The following BICD2 variants were observed in gnomAD, a reference collection of about 807,000 sequenced individuals.
BICD2 encodes the protein protein bicaudal D homolog 2.
A neutral mutation model predicts 72.9 loss-of-function variants in BICD2; 25 were observed. The ratio of observed to expected loss-of-function variants is 0.34; its 90% CI spans 0.25 to 0.48. The LOEUF (loss-of-function observed/expected upper bound fraction) is 0.48. Ranked by LOEUF, BICD2 falls within the 20% of genes least tolerant of loss-of-function variation. BICD2 has a pLI of 0.99. For missense variants in BICD2, 894 were observed against 1,175.2 expected (o/e 0.76, Z 3.50); for synonymous variants, 501 against 516.1 (o/e 0.97, Z 0.40).
intron 1 of BICD2, among the ~76,000 whole-genome samples, chr9:92,753,368 T>C (rs901271291): frequency 9.9e-5 from 15 of 152,200 alleles, no homozygotes; most frequent in African/African-American, 3.4e-4. Context: ...TATTGGTTCA[T>C]CCATTGTAAC....
rs1393525929 is a variant in BICD2 at position 92,764,343 on chromosome 9, G to GCCGGGCCCACTCCCACATACTGC, written c.240+139_240+161dup. ...CCGCGGCACCGGCCTGCTAGCCAAG[G>GCCGGGCCCACTCCCACATACTGC]CCGGGCCCACTCCCACATACTGCCC... On this transcript the variant is annotated intron_variant, in intron 1 of 6. Coordinates refer to ENST00000356884, the MANE Select transcript of BICD2 (RefSeq NM_001003800.2). This position sits in a 1 kb window ranked among gnomAD's most constrained non-coding sequence, Gnocchi z 5.5. 3.3e-5 allele frequency among the ~76,000 whole-genome samples: 5 copies of GCCGGGCCCACTCCCACATACTGC among 152,114 alleles called. No individual in the cohort carries two copies. The highest frequency in any genetic ancestry group is 1.2e-4 in the African/African-American group (5 of 41,440).
intron 1 of BICD2, among the ~76,000 whole-genome samples, chr9:92,757,312 CAAAAAAAAAA>C (rs1169381290): frequency 2.1e-4 from 11 of 52,744 alleles, no homozygotes; most frequent in African/African-American, 3.6e-4. Flanking sequence ...AGACTGTCTC[CAAAAAAAAAA>C]AAAAAAAAAA....
chr9:92,737,146 G>T (rs564425080), intron 1 of BICD2, among the ~76,000 whole-genome samples: 1 of 152,334 alleles, frequency 6.6e-6, no homozygotes, highest in African/African-American at 2.4e-5. Flanking sequence ...GCAGGGCTAT[G>T]TGACTGTGGT....
At chr9:92,757,748 T>C (rs952081660) in intron 1 of BICD2, among the ~76,000 whole-genome samples, 8 of 151,546 alleles carry the variant, frequency 5.3e-5, no homozygotes, top group Non-Finnish European at 1.0e-4. Context: ...GCAAAACAAC[T>C]GATATACTTA....
intron 1 of BICD2, among the ~76,000 whole-genome samples, chr9:92,736,303 TTA>T (rs1237108027): frequency 6.6e-6 from 1 of 152,200 alleles, no homozygotes; most frequent in African/African-American, 2.4e-5. Flanking sequence ...TATATGCTAA[TTA>T]TAATACATTA....
chr9:92,716,478 C>T (rs1043400076), intron 6 of BICD2, among the ~76,000 whole-genome samples: 35 of 152,316 alleles, frequency 2.3e-4, no homozygotes, highest in African/African-American at 7.7e-4. Context: ...TGCAGGGATA[C>T]TGAGAAACTG....
chr9:92,732,117 C>A (rs774425207), intron 1 of BICD2, among the ~76,000 whole-genome samples: 1 of 152,160 alleles, frequency 6.6e-6, no homozygotes, highest in East Asian at 1.9e-4. Flanking sequence ...CAGGCAAAGG[C>A]GCACAAATGA....
chr9:92,717,716 T>C, intron 6 of BICD2, 81 bp downstream of exon 6: 1 of 1,474,522 alleles, frequency 6.8e-7, no homozygotes, highest in South Asian at 1.4e-5. Context: ...CATGAGGCAG[T>C]GAGAGGCTAA....
At chr9:92,728,400 TG>T (rs1280904764) in intron 2 of BICD2, among the ~76,000 whole-genome samples, 2 of 152,338 alleles carry the variant, frequency 1.3e-5, no homozygotes, top group Middle Eastern at 3.4e-3. Context: ...GCCTGTGCCA[TG>T]TACCAATGGC....
In BICD2 at chr9:92,714,128, T is replaced by C. The variant is rs951999828; in HGVS notation, c.*1026A>G. On this transcript the variant is annotated 3_prime_UTR_variant, in exon 7 of 7. Transcript: ENST00000356884. ...TAAATAAAGAGACCTAAACATCTCC[T>C]ACCTGTGAATCCTGACAAGTGGCCC... is the stretch of plus-strand genomic sequence containing the variant. The C allele has an allele frequency of 4.0e-5, 39 of 985,500 alleles. No individual in the cohort carries two copies. Among genetic ancestry groups the C allele is most frequent in the Non-Finnish European group, 4.1e-5 (34 of 830,084 alleles). 61.0% of individuals were successfully genotyped at this position (985,500 alleles called of 1,614,324 possible). A position where few individuals can be genotyped will look rare whatever the true frequency, so the allele number is the denominator to read the frequency against.
chr9:92,753,392 TA>T (rs1216596229), intron 1 of BICD2, among the ~76,000 whole-genome samples: 1 of 152,216 alleles, frequency 6.6e-6, no homozygotes, highest in Non-Finnish European at 1.5e-5. Flanking sequence ...TATACCACAC[TA>T]ATGTACAATG....
At chr9:92,757,415 A>C (rs1564074050) in intron 1 of BICD2, among the ~76,000 whole-genome samples, 1 of 152,054 alleles carries the variant, frequency 6.6e-6, no homozygotes, top group Non-Finnish European at 1.5e-5. Flanking sequence ...TGTAAAATGA[A>C]ATTTATGAGC....
chr9:92,749,505 T>A (rs1854103273), intron 1 of BICD2, among the ~76,000 whole-genome samples: 2 of 152,208 alleles, frequency 1.3e-5, no homozygotes, highest in Admixed American at 1.3e-4. Flanking sequence ...TGGCCCCTCC[T>A]CTGTGAGGCC....
chr9:92,743,904 T>G (rs958692457), intron 1 of BICD2, among the ~76,000 whole-genome samples: 1 of 152,154 alleles, frequency 6.6e-6, no homozygotes, highest in African/African-American at 2.4e-5. Flanking sequence ...AAAAGGTCCA[T>G]GGGGAATGCA....
At chr9:92,749,186 G>A (rs988821998) in intron 1 of BICD2, among the ~76,000 whole-genome samples, 1 of 151,874 alleles carries the variant, frequency 6.6e-6, no homozygotes, top group African/African-American at 2.4e-5. Flanking sequence ...AAAGAGGGTG[G>A]GGCCTCCTGG....
At chr9:92,728,885 G>C (rs950109912) in intron 2 of BICD2, 139 bp downstream of exon 2, 1 of 894,908 alleles carries the variant, frequency 1.1e-6, no homozygotes, top group Admixed American at 2.6e-5. Flanking sequence ...TGGAGGATGA[G>C]ACCAGGAAAG....
intron 1 of BICD2, among the ~76,000 whole-genome samples, chr9:92,731,104 A>G (rs1853670785): frequency 6.6e-6 from 1 of 152,170 alleles, no homozygotes. Context: ...CAAGTCCCTC[A>G]TTGGGTGAAG....
chr9:92,723,711 A>C (rs886550698), intron 2 of BICD2, among the ~76,000 whole-genome samples: 5 of 152,236 alleles, frequency 3.3e-5, no homozygotes, highest in Admixed American at 1.3e-4. Context: ...AATCACCTGA[A>C]TAAAGCTGTT....
chr9:92,728,548 T>G (rs913455796), intron 2 of BICD2, among the ~76,000 whole-genome samples: 1 of 151,998 alleles, frequency 6.6e-6, no homozygotes, highest in African/African-American at 2.4e-5. Context: ...CACCCCTAAT[T>G]CTCAGACACG....
Sources: allele counts gnomAD v4.1 joint callset (sites outside exome capture counted in the v4.1 genomes callset), GRCh38; gene constraint gnomAD v4.1.1; non-coding constraint Gnocchi (gnomAD v3.1); transcripts MANE v1.5; gene names NCBI Gene and HGNC (gene_info 2026-07-23, HGNC 2026-07-21).